Variants in PIK3C2G observed in about 807,000 individuals in gnomAD.
The protein encoded by PIK3C2G is phosphatidylinositol-4-phosphate 3-kinase catalytic subunit type 2 gamma, also known as phosphatidylinositol 3-kinase C2 domain-containing subunit gamma.
PIK3C2G carries 168 observed loss-of-function variants against 181.1 expected under a neutral mutation model. The observed-to-expected ratio is 0.93, with a 90% CI of 0.82 to 1.05. The LOEUF is 1.05. Among genes scored for constraint, PIK3C2G ranks in the 50% least tolerant of loss-of-function variants. PIK3C2G has a pLI of 0.00. For synonymous variants in PIK3C2G, 573 were observed against 592.2 expected, an observed-to-expected ratio of 0.97 and a Z score of 0.47; for missense variants, 1,869 against 1,732.8, an observed-to-expected ratio of 1.08 and a Z score of -1.40.
At chr12:18,354,272 CA>C (rs1485731160) in intron 11 of PIK3C2G, among the ~76,000 whole-genome samples, 1 of 152,148 alleles carries the variant, frequency 6.6e-6, no homozygotes, top group African/African-American at 2.4e-5. Flanking sequence ...TTACTGGGGC[CA>C]AATTCAACAG....
chr12:18,351,777 A>G (rs1263936252), intron 11 of PIK3C2G, among the ~76,000 whole-genome samples: 3 of 152,196 alleles, frequency 2.0e-5, no homozygotes, highest in African/African-American at 7.2e-5. Context: ...TGCAATGTAA[A>G]CTATGTAAAT....
chr12:18,305,399 G>A (rs1254109753), intron 5 of PIK3C2G, among the ~76,000 whole-genome samples: 2 of 152,110 alleles, frequency 1.3e-5, no homozygotes, highest in Admixed American at 6.5e-5. Flanking sequence ...AAGGAATCTC[G>A]AAGCTGTTGC....
At chr12:18,524,723 G>A (rs1484160041) in intron 24 of PIK3C2G, among the ~76,000 whole-genome samples, 7 of 151,700 alleles carry the variant, frequency 4.6e-5, no homozygotes, top group Non-Finnish European at 1.0e-4. Flanking sequence ...CCACCACCAC[G>A]CCTGGCTAAT....
At chr12:18,643,271 A>G (rs1182884834) in intron 32 of PIK3C2G, among the ~76,000 whole-genome samples, 1 of 152,136 alleles carries the variant, frequency 6.6e-6, no homozygotes, top group African/African-American at 2.4e-5. Context: ...ACTCACTACA[A>G]ATCTTTCTCA....
chr12:18,270,116 G>C (rs542996310), intron 1 of PIK3C2G, among the ~76,000 whole-genome samples: 2 of 151,618 alleles, frequency 1.3e-5, no homozygotes, highest in Non-Finnish European at 2.9e-5. Context: ...CACCACGTTC[G>C]TCAGGCTAGT....
the PIK3C2G span, chr12:18,719,391 G>C: frequency 0.55 from 661,636 of 1,211,986 alleles, 185,846 homozygotes; most frequent in South Asian, 0.61. Flanking sequence ...GAACTTCCAA[G>C]TATTTTTAAA....
At chr12:18,505,211 C>T in intron 23 of PIK3C2G, 81 bp from the exon 24 acceptor site, 1 of 1,200,572 alleles carries the variant, frequency 8.3e-7, no homozygotes, top group Admixed American at 2.8e-5. Context: ...TTATCATTTA[C>T]TTTTTATGAT....
intron 12 of PIK3C2G, among the ~76,000 whole-genome samples, chr12:18,370,130 AAAGAATGAAAGGTAGATGTC>A (rs1347765078): frequency 6.6e-6 from 1 of 151,946 alleles, no homozygotes; most frequent in Non-Finnish European, 1.5e-5. Context: ...TGACTCCAGA[AAAGAATGAAAGGTAGATGTC>A]TCCCTGCCCC....
intron 5 of PIK3C2G, among the ~76,000 whole-genome samples, chr12:18,311,233 C>A (rs941176596): frequency 6.6e-6 from 1 of 151,672 alleles, no homozygotes; most frequent in Admixed American, 6.6e-5. Flanking sequence ...AGGACATACA[C>A]AATGAAGCAA....
intron 26 of PIK3C2G, among the ~76,000 whole-genome samples, chr12:18,559,426 T>G (rs1352693271): frequency 1.3e-5 from 2 of 152,134 alleles, no homozygotes; most frequent in Non-Finnish European, 2.9e-5. Flanking sequence ...CCACAGGTAC[T>G]CTGGCTGACC....
intron 1 of PIK3C2G, among the ~76,000 whole-genome samples, chr12:18,254,205 C>T (rs768188428): frequency 5.3e-5 from 8 of 152,218 alleles, no homozygotes; most frequent in Non-Finnish European, 1.0e-4. Flanking sequence ...TAACTTTACA[C>T]TCACTTAATG....
chr12:18,263,977 C>T (rs2137010025), intron 1 of PIK3C2G, among the ~76,000 whole-genome samples: 1 of 152,214 alleles, frequency 6.6e-6, no homozygotes, highest in Middle Eastern at 3.4e-3. Flanking sequence ...AATTGTTTGT[C>T]TCCAGCTGAT....
At chr12:18,682,830 C>T in the PIK3C2G span, among the ~76,000 whole-genome samples, 28 of 152,100 alleles carry the variant, frequency 1.8e-4, 1 homozygote, top group Middle Eastern at 6.8e-3. Context: ...AATTCCTTCC[C>T]ACAAAAATAC....
At chr12:18,418,031 TATC>T (rs1592209080) in intron 16 of PIK3C2G, among the ~76,000 whole-genome samples, 2 of 152,200 alleles carry the variant, frequency 1.3e-5, no homozygotes, top group Non-Finnish European at 1.5e-5. Context: ...TTGTAATTAT[TATC>T]ATCATGATCA....
intron 29 of PIK3C2G, among the ~76,000 whole-genome samples, chr12:18,584,094 T>C (rs575486582): frequency 6.6e-6 from 1 of 151,770 alleles, no homozygotes; most frequent in Non-Finnish European, 1.5e-5. Context: ...AGTGGCGTGA[T>C]CTCGGCTCAC....
At chr12:18,347,150 C>T (rs1269632285) in intron 11 of PIK3C2G, among the ~76,000 whole-genome samples, 8 of 151,676 alleles carry the variant, frequency 5.3e-5, no homozygotes, top group African/African-American at 1.5e-4. Flanking sequence ...GTTTAAATGG[C>T]TAATGCTAGT....
At chr12:18,434,170 G>C (rs1266914762) in intron 18 of PIK3C2G, among the ~76,000 whole-genome samples, 3 of 152,184 alleles carry the variant, frequency 2.0e-5, no homozygotes, top group East Asian at 3.8e-4. Context: ...GGAAAGGACT[G>C]TTGTTCCTCA....
rs1945420724 is a variant in PIK3C2G at position 18,562,818 on chromosome 12, G to A, written c.3706G>A (p.Glu1236Lys). Residue 1236 changes from glutamate to lysine, a missense_variant, in exon 27 of 33, where the codon GAA (glutamate) becomes AAA (lysine). Physicochemically the swap from Glu to Lys is moderately conservative, Grantham distance 56. Transcript: ENST00000538779. Reference protein sequence around the residue: ...AKSTSQTFPQESCLLSTTRSI... With the variant: ...AKSTSQTFPQKSCLLSTTRSI... ...ATCTACTTCACAGACTTTTCCTCAGGAATCCTGTTTGCTGAGTACAACTAG... is the reference window on the plus strand; with the variant it reads ...ATCTACTTCACAGACTTTTCCTCAGAAATCCTGTTTGCTGAGTACAACTAG... The A allele has an allele frequency of 6.2e-7, 1 of 1,607,694 alleles. No homozygotes were observed. The highest frequency in any genetic ancestry group is 8.5e-7 in the Non-Finnish European group (1 of 1,176,512).
intron 4 of PIK3C2G, among the ~76,000 whole-genome samples, chr12:18,292,227 AATATATATAT>A (rs1555149102): frequency 2.1e-5 from 1 of 48,732 alleles, no homozygotes; most frequent in African/African-American, 1.1e-4. Context: ...AAAAAAAAAA[AATATATATAT>A]ATATATATAT....
Sources: gnomAD v4.1 joint callset for allele counts (sites outside exome capture counted in the v4.1 genomes callset) on GRCh38, gnomAD v4.1.1 for gene constraint, MANE v1.5 for transcripts, NCBI Gene and HGNC (gene_info 2026-07-23, HGNC 2026-07-21) for gene names.